The following PXN variants were observed in gnomAD, a reference collection of about 807,000 sequenced individuals.
PXN encodes paxillin, also known as testicular tissue protein Li 134.
PXN carries 61 observed loss-of-function variants against 103.6 expected under a neutral mutation model. The observed-to-expected ratio is 0.59, with a 90% CI of 0.48 to 0.73. The LOEUF (loss-of-function observed/expected upper bound fraction) is 0.73. Ranked by LOEUF, PXN falls within the 30% of genes least tolerant of loss-of-function variation. The pLI, the probability that PXN is intolerant of heterozygous loss-of-function variation, is 0.00. For synonymous variants in PXN, 562 were observed against 607.8 expected, an observed-to-expected ratio of 0.92 and a Z score of 1.11; for missense variants, 1,274 against 1,460.3, an observed-to-expected ratio of 0.87 and a Z score of 2.08.
chr12:120,236,863 G>A (rs2136461692), intron 1 of PXN, among the ~76,000 whole-genome samples: 1 of 151,776 alleles, frequency 6.6e-6, no homozygotes, highest in East Asian at 1.9e-4. Flanking sequence ...GGAGTGCAGT[G>A]GTGTGATCAT....
chr12:120,253,855 T>C (rs982125968), intron 1 of PXN, among the ~76,000 whole-genome samples: 15 of 152,150 alleles, frequency 9.9e-5, no homozygotes, highest in Non-Finnish European at 1.5e-4. Flanking sequence ...CACTTATATG[T>C]ACTATATACA....
intron 2 of PXN, 126 bp from the exon 3 acceptor site, chr12:120,223,959 T>G: frequency 1.1e-6 from 1 of 872,632 alleles, no homozygotes; most frequent in Non-Finnish European, 1.8e-6. Context: ...TTTCCACAGT[T>G]GGGCCAGGAA....
At chr12:120,244,274 G>C (rs1335535543) in intron 1 of PXN, among the ~76,000 whole-genome samples, 1 of 151,608 alleles carries the variant, frequency 6.6e-6, no homozygotes, top group Non-Finnish European at 1.5e-5. Flanking sequence ...AGCACTTTGG[G>C]AGGCTGAGGT....
chr12:120,264,176 C>A (rs1253485022), intron 1 of PXN: 1 of 152,272 alleles, frequency 6.6e-6, no homozygotes, highest in Non-Finnish European at 1.5e-5. Context: ...GCTCCAGGAT[C>A]TCAGGGGCAC....
chr12:120,248,062 T>C (rs1274420958), intron 1 of PXN, among the ~76,000 whole-genome samples: 1 of 152,170 alleles, frequency 6.6e-6, no homozygotes, highest in Admixed American at 6.5e-5. Context: ...CAATCCTAGT[T>C]GGAAACTGGA....
In PXN at chr12:120,265,634, G is replaced by T; in HGVS notation, c.-5C>A. 1 of 1,477,066 alleles carries T rather than the reference G, an allele frequency of 6.8e-7. No homozygotes were observed. 91.5% of individuals were successfully genotyped at this position (1,477,066 alleles called of 1,614,324 possible). ...TCACTCACCGAGGTCGTCCATGGCC[G>T]GACCACGGGCGCCGGCTCAGGGTCG... is the stretch of plus-strand genomic sequence containing the variant. On this transcript the variant is annotated 5_prime_UTR_variant, in exon 1 of 15. Transcript: ENST00000637617. The surrounding 1 kb of genome is among the most constrained non-coding windows in gnomAD (Gnocchi z 5.7).
chr12:120,236,348 G>A (rs1889040056), intron 1 of PXN, among the ~76,000 whole-genome samples: 1 of 152,182 alleles, frequency 6.6e-6, no homozygotes, highest in South Asian at 2.1e-4. Context: ...GTCTTGCTCT[G>A]TTACCCAGGC....
In PXN at chr12:120,216,981, G is replaced by A; in HGVS notation, c.1852C>T (p.Gln618Ter). The change falls in exon 8 of 15, where the codon CAG becomes TAG. Residue 618 changes from glutamine to a stop codon, truncating the protein, a stop_gained. Transcript: ENST00000637617. LOFTEE classifies it high-confidence loss of function. This position sits in a 1 kb window ranked among gnomAD's most constrained non-coding sequence, Gnocchi z 5.1. ...PSQEQLIAEL[Q>*]GRLGIQPEAE... ...TCAGGCTGGATGCCCAGCCGCCCCT[G>A]CAGCTCCGCGATGAGCTGTTCCTGG... The A allele has an allele frequency of 6.5e-7, 1 of 1,549,128 alleles. No homozygotes were observed. Among genetic ancestry groups the A allele is most frequent in the Non-Finnish European group, 8.7e-7 (1 of 1,154,328 alleles).
In PXN at chr12:120,211,324, A is replaced by G. The variant is rs1880109248; in HGVS notation, c.*990T>C. The G allele has an allele frequency of 6.5e-6, 1 of 153,008 alleles. No homozygotes were observed. Among genetic ancestry groups the G allele is most frequent in the Non-Finnish European group, 1.5e-5 (1 of 68,424 alleles). 9.5% of individuals were successfully genotyped at this position (153,008 alleles called of 1,614,324 possible). On this transcript the variant is annotated 3_prime_UTR_variant, in exon 15 of 15. Transcript: ENST00000637617. Reference sequence around the variant, plus strand: ...GGTTTCCAAATACAGCAGTTTATAAAACAGTCCTGGTGAGCTATGAAGTGA... The same window carrying G: ...GGTTTCCAAATACAGCAGTTTATAAGACAGTCCTGGTGAGCTATGAAGTGA...
chr12:120,219,451 C>G lies in PXN; in HGVS notation c.1472G>C (p.Arg491Thr), dbSNP rs759807686. 3.9e-5 allele frequency: 62 copies of G among 1,598,128 alleles called. No homozygotes were observed. The African/African-American group carries it at 7.5e-4, about 19-fold the overall frequency. Residue 491 changes from arginine (R) to threonine (T), a missense_variant, in exon 7 of 15, where the codon AGG (arginine) becomes ACG (threonine). Transcript: ENST00000637617. The surrounding 1 kb of genome is among the most constrained non-coding windows in gnomAD (Gnocchi z 6.5). ...LTEEHGLQQE[R>T]PRPEPGRLGS... ...CAGCCTCCCTGGCTCTGGCCTTGGC[C>G]TCTCCTGCTGTAGGCCATGTTCCTC...
rs944029048 is a variant in PXN, at chr12:120,221,070, A to C, written c.831+553T>G. ...CCTGGCCCCATGGTTTCCCACAGAC[A>C]CGCTCGTGGGAACTCAGAGGCCCTG... is the stretch of plus-strand genomic sequence containing the variant. On this transcript the variant is annotated intron_variant, in intron 6 of 14. Coordinates refer to ENST00000637617, the MANE Select transcript of PXN (RefSeq NM_001385981.1). This position sits in a 1 kb window ranked among gnomAD's most constrained non-coding sequence, Gnocchi z 6.6. Among the ~76,000 whole-genome samples, 1 of 152,160 alleles carries C rather than the reference A, an allele frequency of 6.6e-6. No homozygotes were observed. The highest frequency in any genetic ancestry group is 1.5e-5 in the Non-Finnish European group (1 of 68,032).
intron 1 of PXN, among the ~76,000 whole-genome samples, chr12:120,243,879 AG>A (rs1400724466): frequency 1.3e-5 from 2 of 152,168 alleles, no homozygotes; most frequent in African/African-American, 4.8e-5. Context: ...CTCACAGCCT[AG>A]GAATAGCACA....
intron 1 of PXN, among the ~76,000 whole-genome samples, chr12:120,252,947 C>G (rs1000810580): frequency 7.0e-6 from 1 of 142,572 alleles, no homozygotes; most frequent in Non-Finnish European, 1.5e-5. Context: ...GCAGTTGAGC[C>G]GAGATCATGC....
chr12:120,242,138 G>A (rs1890260939), intron 1 of PXN, among the ~76,000 whole-genome samples: 1 of 152,056 alleles, frequency 6.6e-6, no homozygotes, highest in Admixed American at 6.6e-5. Context: ...CCTGAGCCAG[G>A]GCCCAAGGAC....
In PXN at chr12:120,215,504, G is replaced by A; in HGVS notation, c.2403+56C>T. On this transcript the variant is annotated intron_variant, in intron 10 of 14. Coordinates refer to ENST00000637617, the MANE Select transcript of PXN (RefSeq NM_001385981.1). The surrounding 1 kb of genome is among the most constrained non-coding windows in gnomAD (Gnocchi z 4.9). The stretch of plus-strand genomic sequence containing the variant: ...AGGCTGAGGGCACCCAGCAGGCATG[G>A]CCAAGCCCAGGGAGAGCACGACACG... 6.6e-7 allele frequency: 1 copy of A among 1,522,152 alleles called. No homozygotes were observed. The highest frequency in any genetic ancestry group is 8.8e-7 in the Non-Finnish European group (1 of 1,138,110). The allele number at this position is 1,522,152 out of a possible 1,614,324, so 94.3% of individuals were successfully genotyped here.
intron 1 of PXN, among the ~76,000 whole-genome samples, chr12:120,241,708 A>C (rs960480651): frequency 2.6e-5 from 4 of 152,180 alleles, no homozygotes; most frequent in African/African-American, 9.7e-5. Context: ...GCCCAGACAG[A>C]GGGGATGGGA....
intron 1 of PXN, among the ~76,000 whole-genome samples, chr12:120,240,698 A>C (rs1235040230): frequency 6.6e-6 from 1 of 152,188 alleles, no homozygotes; most frequent in East Asian, 1.9e-4. Flanking sequence ...GCAGCCCCAC[A>C]GTGCTCCCAA....
chr12:120,246,083 A>C (rs1373374728), intron 1 of PXN, among the ~76,000 whole-genome samples: 2 of 150,082 alleles, frequency 1.3e-5, no homozygotes, highest in African/African-American at 4.9e-5. Flanking sequence ...AAAATACTCA[A>C]TGAATCTAAA....
intron 1 of PXN, among the ~76,000 whole-genome samples, chr12:120,240,444 G>T (rs1427004292): frequency 6.6e-6 from 1 of 152,210 alleles, no homozygotes; most frequent in Non-Finnish European, 1.5e-5. Context: ...CACCTGTTAA[G>T]ACACTGGGAC....
Sources: gnomAD v4.1 joint callset for allele counts (sites outside exome capture counted in the v4.1 genomes callset) on GRCh38, gnomAD v4.1.1 for gene constraint, Gnocchi (gnomAD v3.1) non-coding constraint, MANE v1.5 for transcripts, NCBI Gene and HGNC (gene_info 2026-07-23, HGNC 2026-07-21) for gene names.